The following ENPP1 variants were observed in gnomAD, a reference collection of about 807,000 sequenced individuals.
ENPP1 encodes the protein ectonucleotide pyrophosphatase/phosphodiesterase 1, also known as ectonucleotide pyrophosphatase/phosphodiesterase family member 1.
Under a neutral mutation model 122.8 loss-of-function variants are expected in ENPP1, and 73 were observed. That is an observed-to-expected ratio of 0.59 (90% CI 0.49 to 0.72). ENPP1 has a LOEUF of 0.72. ENPP1 is among the 30% of genes least tolerant of loss of function. The pLI is 0.00. For synonymous variants in ENPP1, 367 were observed against 391.6 expected (o/e 0.94, Z 0.74); for missense variants, 978 against 1,128.1 (o/e 0.87, Z 1.91).
intron 5 of ENPP1, among the ~76,000 whole-genome samples, chr6:131,854,281 T>C (rs1303027216): frequency 6.6e-6 from 1 of 151,870 alleles, no homozygotes; most frequent in Non-Finnish European, 1.5e-5. Flanking sequence ...GGCATGGTGG[T>C]GCGTGTTTGT....
chr6:131,865,539 C>T (rs866466948), intron 11 of ENPP1, among the ~76,000 whole-genome samples: 10 of 152,214 alleles, frequency 6.6e-5, no homozygotes, highest in Admixed American at 3.3e-4. Flanking sequence ...ACTTAGCCAG[C>T]GCCTAGCTAT....
In ENPP1 at chr6:131,892,483, G is replaced by C. The variant is rs1931006; in HGVS notation, c.*1972G>C. 86,919 of 151,976 alleles carry C rather than the reference G, an allele frequency of 0.57. 27,912 individuals carry two copies. The highest frequency in any genetic ancestry group is 0.87 in the African/African-American group (36,114 of 41,490). 9.4% of individuals were successfully genotyped at this position (151,976 alleles called of 1,614,324 possible). A position where few individuals can be genotyped will look rare whatever the true frequency, so the allele number is the denominator to read the frequency against. ...CTGGAATGTGCAGCGGCACCTTTTGGTGCACCCTGGGAATCTCCACTAATG... is the reference window on the plus strand; with the variant it reads ...CTGGAATGTGCAGCGGCACCTTTTGCTGCACCCTGGGAATCTCCACTAATG... On this transcript the variant is annotated 3_prime_UTR_variant, in exon 25 of 25. Coordinates refer to ENST00000647893, the MANE Select transcript of ENPP1 (RefSeq NM_006208.3).
chr6:131,847,891 G>GTGTA, intron 2 of ENPP1, 43 bp downstream of exon 2: 1 of 1,251,676 alleles, frequency 8.0e-7, no homozygotes. Flanking sequence ...GTGTGTGTGT[G>GTGTA]TGTATGTGTG....
intron 11 of ENPP1, among the ~76,000 whole-genome samples, chr6:131,866,352 G>A (rs911697704): frequency 2.0e-5 from 3 of 152,296 alleles, no homozygotes; most frequent in East Asian, 1.9e-4. Flanking sequence ...TCAGCACAGC[G>A]TTCAGACTAA....
At chr6:131,870,763 T>TA (rs759498269) in intron 13 of ENPP1, among the ~76,000 whole-genome samples, 1 of 152,152 alleles carries the variant, frequency 6.6e-6, no homozygotes, top group Non-Finnish European at 1.5e-5. Context: ...ACATGACTGT[T>TA]ATAAAACCTG....
chr6:131,852,230 A>T lies in ENPP1; in HGVS notation c.612A>T (p.Pro204=). 1.9e-6 allele frequency: 3 copies of T among 1,599,098 alleles called. No individual in the cohort carries two copies. Among genetic ancestry groups the T allele is most frequent in the Non-Finnish European group, 2.6e-6 (3 of 1,170,772 alleles). Residue 204 remains proline, a synonymous_variant, in exon 5 of 25, where the codon CCA becomes CCT. Transcript: ENST00000647893. ...PCESINEPQC[P]AGFETPPTLL... ...AGAGCATTAATGAGCCACAGTGCCCAGCAGGGTAAGATTATATTCTGAGGT... is the reference window on the plus strand; with the variant it reads ...AGAGCATTAATGAGCCACAGTGCCCTGCAGGGTAAGATTATATTCTGAGGT...
intron 21 of ENPP1, 78 bp downstream of exon 21, chr6:131,882,552 TAG>T: frequency 1.3e-6 from 1 of 771,924 alleles, no homozygotes; most frequent in Non-Finnish European, 2.1e-6. Context: ...CCATACATTA[TAG>T]GGTAATATAT....
intron 22 of ENPP1, 43 bp from the exon 23 acceptor site, chr6:131,884,888 C>G: frequency 1.2e-6 from 2 of 1,608,546 alleles, no homozygotes; most frequent in Non-Finnish European, 1.7e-6. Context: ...TCAACATGGT[C>G]CCTTGTTCTT....
intron 1 of ENPP1, among the ~76,000 whole-genome samples, chr6:131,810,157 G>A (rs1298919179): frequency 6.6e-6 from 1 of 152,162 alleles, no homozygotes; most frequent in East Asian, 1.9e-4. Flanking sequence ...CCAGGAGTTT[G>A]AGACCAGCCT....
At chr6:131,847,162 G>A (rs1246399418) in intron 1 of ENPP1, among the ~76,000 whole-genome samples, 1 of 152,064 alleles carries the variant, frequency 6.6e-6, no homozygotes, top group Admixed American at 6.5e-5. Flanking sequence ...GTTAGGTTTG[G>A]GTTTGTGTAG....
Position 131,847,243 on chromosome 6 carries a change from C to G in ENPP1, c.241-533C>G, listed in dbSNP as rs866179037. On this transcript the variant is annotated intron_variant, in intron 1 of 24. Coordinates refer to ENST00000647893, the MANE Select transcript of ENPP1 (RefSeq NM_006208.3). Reference sequence around the variant, plus strand: ...GATTGATACATAGGAAATCCAGACTCTGTAAATAGTTTTCTCTCTCTTTCC... The same window carrying G: ...GATTGATACATAGGAAATCCAGACTGTGTAAATAGTTTTCTCTCTCTTTCC... Among the ~76,000 whole-genome samples the G allele has an allele frequency of 5.9e-5, 9 of 152,246 alleles. No homozygotes were observed. In the South Asian group the frequency reaches 1.9e-3, roughly 32 times the overall value.
At chr6:131,812,403 AG>A (rs1368890704) in intron 1 of ENPP1, among the ~76,000 whole-genome samples, 1 of 152,178 alleles carries the variant, frequency 6.6e-6, no homozygotes, top group Non-Finnish European at 1.5e-5. Context: ...TAACGTGGCT[AG>A]GAGTCCTTTA....
At chr6:131,837,112 T>C (rs1240520321) in intron 1 of ENPP1, among the ~76,000 whole-genome samples, 1 of 151,962 alleles carries the variant, frequency 6.6e-6, no homozygotes, top group Non-Finnish European at 1.5e-5. Context: ...TGGTAATAAA[T>C]GACCTTGTCC....
rs767598458 is a variant in ENPP1 at position 131,869,432 on chromosome 6, A to T, written c.1348A>T (p.Ile450Phe). The T allele has an allele frequency of 2.5e-6, 4 of 1,613,112 alleles. No homozygotes were observed. The East Asian group carries it at 6.7e-5, about 27-fold the overall frequency. ...YLGDVKNIKV[I>F]YGPAARLRPS... ...GGGGGATGTTAAAAATATTAAAGTT[A>T]TCTATGGACCTGCAGCTCGATTGAG... The change falls in exon 13 of 25, where the codon ATC becomes TTC. Residue 450 changes from isoleucine to phenylalanine, a missense_variant. Physicochemically the swap from Ile to Phe is conservative, Grantham distance 21. Around this residue, in one of 3 missense-constraint regions of ENPP1, gnomAD observed 644 missense variants for 781.5 expected, o/e 0.82. Transcript: ENST00000647893.
chr6:131,829,187 A>G (rs1197218505), intron 1 of ENPP1, among the ~76,000 whole-genome samples: 1 of 152,248 alleles, frequency 6.6e-6, no homozygotes, highest in African/African-American at 2.4e-5. Context: ...GAGGGCAGAA[A>G]GAGCTGTTCT....
At chr6:131,866,216 C>T (rs1398236443) in intron 11 of ENPP1, among the ~76,000 whole-genome samples, 1 of 152,004 alleles carries the variant, frequency 6.6e-6, no homozygotes, top group African/African-American at 2.4e-5. Context: ...CCCTGTGATT[C>T]CAAGGGGTCA....
intron 1 of ENPP1, among the ~76,000 whole-genome samples, chr6:131,830,213 C>T (rs543381304): frequency 2.6e-5 from 4 of 152,128 alleles, no homozygotes; most frequent in Admixed American, 2.0e-4. Flanking sequence ...TGGAAGGCAA[C>T]GCAAGAAAGT....
rs573774284 is a variant in ENPP1, at chr6:131,886,724, G to A, written c.2607G>A (p.Val869=). The stretch of plus-strand genomic sequence containing the variant: ...GGACTGATAACAGCGAGAGCTGTGT[G>A]GTAAGTAGCTTTTGTATATTTACTT... The part of the protein sequence containing the change: ...PHRTDNSESC[V]HGKHDSSWVE... Residue 869 remains valine (V), a splice_region_variant and synonymous_variant, in exon 24 of 25, where the codon GTG becomes GTA. Transcript: ENST00000647893. 26 of 1,610,746 alleles carry A rather than the reference G, an allele frequency of 1.6e-5. No individual in the cohort carries two copies. The highest frequency in any genetic ancestry group is 2.0e-5 in the Non-Finnish European group (24 of 1,178,868).
chr6:131,845,235 C>T (rs886074280), intron 1 of ENPP1, among the ~76,000 whole-genome samples: 1 of 150,996 alleles, frequency 6.6e-6, no homozygotes, highest in African/African-American at 2.4e-5. Context: ...GTTTCACCAT[C>T]TTGGCCAGGC....
Sources: gnomAD v4.1 joint callset for allele counts (sites outside exome capture counted in the v4.1 genomes callset) on GRCh38, gnomAD v4.1.1 for gene constraint, gnomAD v4.1.1 regional missense constraint, MANE v1.5 for transcripts, NCBI Gene and HGNC (gene_info 2026-07-23, HGNC 2026-07-21) for gene names.